OR2L13: variants seen among roughly 807,000 people sequenced by gnomAD.
OR2L13 encodes the protein olfactory receptor family 2 subfamily L member 13, also known as olfactory receptor 2L13.
A neutral mutation model predicts 15.3 loss-of-function variants in OR2L13; 14 were observed. The ratio of observed to expected loss-of-function variants is 0.91; its 90% CI spans 0.60 to 1.43. The LOEUF is 1.43. OR2L13 is among the 40% of genes most tolerant of loss of function. The probability of loss-of-function intolerance (pLI) is 0.00; values close to 1 mark genes in which losing one functional copy is unlikely to be tolerated. For synonymous variants in OR2L13, 152 were observed against 142.9 expected, an observed-to-expected ratio of 1.06 and a Z score of -0.45; for missense variants, 367 against 387.9, an observed-to-expected ratio of 0.95 and a Z score of 0.45.
At chr1:247,984,712 G>A in the OR2L13 span, among the ~76,000 whole-genome samples, 1 of 152,128 alleles carries the variant, frequency 6.6e-6, no homozygotes, top group Non-Finnish European at 1.5e-5. Context: ...ACATTTTAAT[G>A]TTTTTATGAG....
the OR2L13 span, chr1:248,022,162 A>G: frequency 6.2e-7 from 1 of 1,613,952 alleles, no homozygotes; most frequent in Non-Finnish European, 8.5e-7. Flanking sequence ...GACCTAAATT[A>G]CATCTCTACG....
the OR2L13 span, among the ~76,000 whole-genome samples, chr1:248,030,736 T>C: frequency 0.012 from 1,866 of 152,244 alleles, 28 homozygotes; most frequent in African/African-American, 0.042. Context: ...TTTTGTCATC[T>C]AAGATGTCGG....
the OR2L13 span, among the ~76,000 whole-genome samples, chr1:247,994,275 T>C: frequency 1.3e-5 from 2 of 152,118 alleles, no homozygotes; most frequent in Admixed American, 6.5e-5. Flanking sequence ...CGGGCGCCTG[T>C]AGTCCCGGCT....
the OR2L13 span, among the ~76,000 whole-genome samples, chr1:247,952,960 T>C: frequency 6.6e-6 from 1 of 152,148 alleles, no homozygotes; most frequent in African/African-American, 2.4e-5. Flanking sequence ...GACATTCCTG[T>C]AGAGGCAATG....
At chr1:248,022,724 A>G in the OR2L13 span, 1 of 1,614,052 alleles carries the variant, frequency 6.2e-7, no homozygotes, top group Non-Finnish European at 8.5e-7. Context: ...ATACCTATCT[A>G]TGTCCAAGAT....
the OR2L13 span, among the ~76,000 whole-genome samples, chr1:248,002,903 G>A: frequency 6.6e-6 from 1 of 151,256 alleles, no homozygotes; most frequent in Non-Finnish European, 1.5e-5. Context: ...TCAATTGTTT[G>A]GAACTGTTTC....
At chr1:248,042,511 A>T in the OR2L13 span, among the ~76,000 whole-genome samples, 9 of 152,106 alleles carry the variant, frequency 5.9e-5, no homozygotes, top group Admixed American at 5.9e-4. Flanking sequence ...ACAATAATAA[A>T]AAATAAATAA....
At chr1:247,957,371 C>T in the OR2L13 span, among the ~76,000 whole-genome samples, 7 of 152,180 alleles carry the variant, frequency 4.6e-5, no homozygotes, top group South Asian at 4.2e-4. Context: ...ATTTTTGCGT[C>T]GATGTTCATC....
exon 3 of OR2L13, chr1:248,099,466 ATCC>A (rs1558223346): frequency 3.7e-6 from 6 of 1,613,166 alleles, no homozygotes; most frequent in Non-Finnish European, 5.1e-6. Context: ...GTGCCTTATC[ATCC>A]TCATATTCTT....
At chr1:248,065,482 G>C in the OR2L13 span, among the ~76,000 whole-genome samples, 1 of 150,774 alleles carries the variant, frequency 6.6e-6, no homozygotes, top group Non-Finnish European at 1.5e-5. Context: ...TGTGCACAAT[G>C]TGCAGGTTAG....
the OR2L13 span, among the ~76,000 whole-genome samples, chr1:247,981,486 T>G: frequency 2.7e-3 from 413 of 152,328 alleles, 6 homozygotes; most frequent in African/African-American, 9.4e-3. Context: ...TGTGCAAAAT[T>G]ATAGTGCTTT....
chr1:248,074,929 T>C, the OR2L13 span, among the ~76,000 whole-genome samples: 1 of 152,208 alleles, frequency 6.6e-6, no homozygotes, highest in Admixed American at 6.5e-5. Context: ...ATGTGCAGGT[T>C]TGATACATAG....
chr1:247,945,539 A>G, the OR2L13 span, among the ~76,000 whole-genome samples: 2 of 152,150 alleles, frequency 1.3e-5, no homozygotes, highest in Non-Finnish European at 2.9e-5. Context: ...AGCTGAGTTC[A>G]AGTCCTGAAT....
At position 248,099,720 on chromosome 1, in the gene OR2L13, C is replaced by G. The variant is rs770456213; in HGVS notation, c.345C>G (p.Thr115=). The change falls in exon 3 of 3, where the codon ACC becomes ACG. Residue 115 remains threonine, a synonymous_variant. Transcript: ENST00000641714. ...CGTGTTCTGAAGGCTTACTCCTGACCTCCATGGCCTACGACCGTTATTTGG... is the reference window on the plus strand; with the variant it reads ...CGTGTTCTGAAGGCTTACTCCTGACGTCCATGGCCTACGACCGTTATTTGG... The G allele has an allele frequency of 1.9e-6, 3 of 1,614,008 alleles. No homozygotes were observed. The East Asian group carries it at 6.7e-5, about 36-fold the overall frequency.
the OR2L13 span, among the ~76,000 whole-genome samples, chr1:248,010,278 G>A: frequency 2.0e-5 from 3 of 151,902 alleles, no homozygotes; most frequent in African/African-American, 4.8e-5. Flanking sequence ...CATAGTCTCA[G>A]CCCAAAATCT....
chr1:248,087,503 A>G, the OR2L13 span: 3 of 152,360 alleles, frequency 2.0e-5, no homozygotes, highest in East Asian at 1.9e-4. Flanking sequence ...TTTGCAGTAG[A>G]GAATCACAGC....
exon 3 of OR2L13, chr1:248,099,929 T>C: frequency 6.2e-7 from 1 of 1,614,216 alleles, no homozygotes; most frequent in African/African-American, 1.3e-5. Flanking sequence ...GCCATGTTGC[T>C]TCTTGCCTGT....
chr1:247,996,396 A>G, the OR2L13 span, among the ~76,000 whole-genome samples: 2 of 152,256 alleles, frequency 1.3e-5, no homozygotes, highest in African/African-American at 4.8e-5. Context: ...TTTAATGAAT[A>G]ATTCAAATGC....
At chr1:248,052,859 G>A in the OR2L13 span, among the ~76,000 whole-genome samples, 3 of 149,568 alleles carry the variant, frequency 2.0e-5, no homozygotes, top group Non-Finnish European at 4.5e-5. Context: ...TTCTGTTTCT[G>A]AAAAAAAAAA....
Sources: allele counts gnomAD v4.1 joint callset (sites outside exome capture counted in the v4.1 genomes callset), GRCh38; gene constraint gnomAD v4.1.1; transcripts MANE v1.5; gene names NCBI Gene and HGNC (gene_info 2026-07-23, HGNC 2026-07-21).